The following XNDC1N variants were observed in gnomAD, a reference collection of about 807,000 sequenced individuals.
XNDC1N encodes the protein protein XNDC1N.
chr11:71,872,817 G>A, the XNDC1N span, among the ~76,000 whole-genome samples: 9 of 152,144 alleles, frequency 5.9e-5, no homozygotes, highest in Non-Finnish European at 1.0e-4. Context: ...GATGTAAAAG[G>A]ATACAACATT....
chr11:71,917,270 T>C, the XNDC1N span: 1 of 674,864 alleles, frequency 1.5e-6, no homozygotes, highest in Non-Finnish European at 2.7e-6. Context: ...TGTCCCAGTC[T>C]CCCAAAGTGC....
At chr11:71,908,877 G>A in the XNDC1N span, among the ~76,000 whole-genome samples, 6 of 152,244 alleles carry the variant, frequency 3.9e-5, no homozygotes, top group East Asian at 1.9e-4. Context: ...GCCAGGAACC[G>A]ACCCTCAGTT....
chr11:71,912,927 AC>A, the XNDC1N span, among the ~76,000 whole-genome samples: 1 of 152,058 alleles, frequency 6.6e-6, no homozygotes, highest in Non-Finnish European at 1.5e-5. Context: ...CATATTGGGA[AC>A]AACATCACAA....
At chr11:71,911,915 C>A in the XNDC1N span, among the ~76,000 whole-genome samples, 2 of 152,278 alleles carry the variant, frequency 1.3e-5, no homozygotes, top group African/African-American at 4.8e-5. Context: ...CTTGGACCTA[C>A]TTCTTCTAAA....
At chr11:71,881,526 A>G in the XNDC1N span, among the ~76,000 whole-genome samples, 1 of 151,936 alleles carries the variant, frequency 6.6e-6, no homozygotes, top group Non-Finnish European at 1.5e-5. Flanking sequence ...CTCTTATGGC[A>G]TTTTTTTGTG....
At chr11:71,885,774 TTATTAA>T in the XNDC1N span, among the ~76,000 whole-genome samples, 147 of 152,002 alleles carry the variant, frequency 9.7e-4, no homozygotes, top group Non-Finnish European at 1.7e-3. Flanking sequence ...AGTTTTCAGA[TTATTAA>T]TATTAATATT....
At chr11:71,919,042 G>A in the XNDC1N span, 1 of 701,818 alleles carries the variant, frequency 1.4e-6, no homozygotes, top group African/African-American at 1.7e-5. Flanking sequence ...TAAGAGAGGA[G>A]GAGAAAATCA....
chr11:71,878,461 C>T, the XNDC1N span: 2 of 1,611,782 alleles, frequency 1.2e-6, no homozygotes, highest in Admixed American at 3.3e-5. Context: ...CCATGAGGGT[C>T]TTGTTTTTTG....
the XNDC1N span, among the ~76,000 whole-genome samples, chr11:71,898,965 T>C: frequency 2.0e-5 from 3 of 152,168 alleles, no homozygotes; most frequent in Non-Finnish European, 4.4e-5. Context: ...ATTAAAGCAG[T>C]TGGATGTTTA....
chr11:71,895,475 A>ATTTTT, the XNDC1N span, among the ~76,000 whole-genome samples: 1,089 of 98,318 alleles, frequency 0.011, no homozygotes, highest in Non-Finnish European at 0.016. Flanking sequence ...ATGCCTGGCT[A>ATTTTT]TTTTTTTTTT....
chr11:71,879,037 G>A, the XNDC1N span, among the ~76,000 whole-genome samples: 1 of 152,070 alleles, frequency 6.6e-6, no homozygotes, highest in East Asian at 1.9e-4. Flanking sequence ...TTACTTGAGA[G>A]TTGTGTTTGA....
At chr11:71,923,530 T>C in the XNDC1N span, 1 of 600,924 alleles carries the variant, frequency 1.7e-6, no homozygotes, top group East Asian at 2.8e-5. Context: ...TAACAGGAGT[T>C]ACTTGCAGCA....
At chr11:71,923,805 T>C in the XNDC1N span, among the ~76,000 whole-genome samples, 11 of 152,092 alleles carry the variant, frequency 7.2e-5, no homozygotes, top group Non-Finnish European at 1.6e-4. Context: ...TCCACCCGCC[T>C]CGGACTCCCA....
At chr11:71,901,999 CCTT>C in the XNDC1N span, among the ~76,000 whole-genome samples, 1 of 152,074 alleles carries the variant, frequency 6.6e-6, no homozygotes, top group Non-Finnish European at 1.5e-5. Context: ...TTTGTTTTGT[CCTT>C]CTCTCAGTAA....
At chr11:71,898,262 A>G in the XNDC1N span, among the ~76,000 whole-genome samples, 1 of 152,114 alleles carries the variant, frequency 6.6e-6, no homozygotes, top group Non-Finnish European at 1.5e-5. Flanking sequence ...GCAGGCCGCA[A>G]CATGGATGAA....
chr11:71,875,434 T>C, the XNDC1N span, among the ~76,000 whole-genome samples: 5 of 152,078 alleles, frequency 3.3e-5, no homozygotes, highest in East Asian at 1.9e-4. Context: ...AATATACTTA[T>C]AGGATATAGG....
chr11:71,893,213 G>A, the XNDC1N span, among the ~76,000 whole-genome samples: 8 of 152,154 alleles, frequency 5.3e-5, no homozygotes, highest in East Asian at 1.5e-3. Context: ...TATATGTGAC[G>A]TTTTGGTCTT....
At chr11:71,916,860 T>G in the XNDC1N span, 3 of 156,732 alleles carry the variant, frequency 1.9e-5, no homozygotes, top group East Asian at 5.7e-4. Flanking sequence ...AATCAGATCT[T>G]ATGTTTTTCT....
chr11:71,903,356 C>G, the XNDC1N span: 1 of 1,463,192 alleles, frequency 6.8e-7, no homozygotes, highest in Non-Finnish European at 9.6e-7. Flanking sequence ...CTCCCACCTC[C>G]ACACCCCATG....
Sources: gnomAD v4.1 joint callset for allele counts (sites outside exome capture counted in the v4.1 genomes callset) on GRCh38, gnomAD v4.1.1 for gene constraint, MANE v1.5 for transcripts, NCBI Gene and HGNC (gene_info 2026-07-23, HGNC 2026-07-21) for gene names.